Variants in NLK observed in about 807,000 individuals in gnomAD.
NLK encodes nemo like kinase, also known as serine/threonine-protein kinase NLK.
Under a neutral mutation model 59.0 loss-of-function variants are expected in NLK, and 11 were observed. That is an observed-to-expected ratio of 0.19 (90% CI 0.12 to 0.31). The LOEUF is 0.31. NLK is among the 10% of genes least tolerant of loss of function. The pLI is 1.00. For missense variants in NLK, 410 were observed against 661.1 expected (o/e 0.62, Z 4.16); for synonymous variants, 235 against 235.9 (o/e 1.00, Z 0.03).
intron 3 of NLK, among the ~76,000 whole-genome samples, chr17:28,147,134 C>G (rs916178407): frequency 1.3e-5 from 2 of 152,034 alleles, no homozygotes; most frequent in African/African-American, 4.8e-5. Flanking sequence ...TCTTTTTTCT[C>G]AGTCTTGTCA....
rs116564284 is a variant in NLK at position 28,053,993 on chromosome 17, C to T, written c.458+10662C>T. Among the ~76,000 whole-genome samples the T allele has an allele frequency of 3.5e-3, 536 of 152,260 alleles. 2 individuals carry two copies. The highest frequency in any genetic ancestry group is 0.012 in the African/African-American group (509 of 41,530). On this transcript the variant is annotated intron_variant, in intron 1 of 10. Coordinates refer to ENST00000407008, the MANE Select transcript of NLK (RefSeq NM_016231.5). ...GCAGCCTGGTGCAGAGGGTTTTTCCCCACTTTCTTCTCCACTTCCCTCTCT... is the reference window on the plus strand; with the variant it reads ...GCAGCCTGGTGCAGAGGGTTTTTCCTCACTTTCTTCTCCACTTCCCTCTCT...
chr17:28,160,242 C>T (rs369079887), intron 3 of NLK, among the ~76,000 whole-genome samples: 1 of 152,056 alleles, frequency 6.6e-6, no homozygotes, highest in Non-Finnish European at 1.5e-5. Context: ...AAAAATGTCT[C>T]GAGGAGGAGG....
the NLK span, among the ~76,000 whole-genome samples, chr17:28,202,090 A>G: frequency 6.6e-6 from 1 of 152,210 alleles, no homozygotes; most frequent in African/African-American, 2.4e-5. Flanking sequence ...AAATTCACTT[A>G]CAATTTGAAA....
the NLK span, among the ~76,000 whole-genome samples, chr17:28,205,236 A>G: frequency 6.6e-6 from 1 of 152,362 alleles, no homozygotes; most frequent in South Asian, 2.1e-4. Context: ...CGTACCTGGA[A>G]TAGTACTTGG....
chr17:28,061,303 A>C (rs991124538), intron 1 of NLK, among the ~76,000 whole-genome samples: 2 of 152,240 alleles, frequency 1.3e-5, no homozygotes, highest in African/African-American at 4.8e-5. Flanking sequence ...CAAATTGAAA[A>C]AAAGACATTA....
At chr17:28,187,364 C>T (rs971376028) in intron 8 of NLK, among the ~76,000 whole-genome samples, 36 of 152,166 alleles carry the variant, frequency 2.4e-4, no homozygotes, top group East Asian at 3.9e-4. Flanking sequence ...AGTGCAGCAG[C>T]GCAATCTCAG....
At chr17:28,184,584 T>C (rs566745450) in intron 7 of NLK, among the ~76,000 whole-genome samples, 19 of 152,350 alleles carry the variant, frequency 1.2e-4, no homozygotes, top group African/African-American at 4.6e-4. Flanking sequence ...GAGTGCCATA[T>C]TTGCAATTCG....
chr17:28,161,162 A>T lies in NLK; in HGVS notation c.647A>T (p.Tyr216Phe), dbSNP rs1372146196. Reference protein sequence around the residue: ...PPHIDYFEEIYVVTELMQSDL... With the variant: ...PPHIDYFEEIFVVTELMQSDL... ...TCTCCTTAACTTAAAACTTCAAGAT[A>T]TGTTGTCACAGAATTGATGCAGAGT... Residue 216 changes from tyrosine (Y) to phenylalanine (F), a missense_variant and splice_region_variant, in exon 4 of 11, where the codon TAT becomes TTT. Tyr to Phe is a conservative substitution (Grantham distance 22). Transcript: ENST00000407008. 1 of 1,576,496 alleles carries T rather than the reference A, an allele frequency of 6.3e-7. No homozygotes were observed. Among genetic ancestry groups the T allele is most frequent in the Non-Finnish European group, 8.7e-7 (1 of 1,145,882 alleles).
At position 28,194,621 on chromosome 17, in the gene NLK, T is replaced by C; in HGVS notation, c.1569T>C (p.Pro523=). ...AGCCATCTGAGATGCCCCCATCTCC[T>C]CTGGTGTGGGAGTGATGGTGGAAGA... ...VAQPSEMPPS[P]LVWE The change falls in exon 11 of 11, where the codon CCT becomes CCC. Residue 523 remains proline (P), a synonymous_variant. Transcript: ENST00000407008. 1 of 1,598,314 alleles carries C rather than the reference T, an allele frequency of 6.3e-7. No homozygotes were observed. The highest frequency in any genetic ancestry group is 8.6e-7 in the Non-Finnish European group (1 of 1,167,748).
At chr17:28,182,417 T>A (rs926985379) in intron 7 of NLK, among the ~76,000 whole-genome samples, 1 of 152,192 alleles carries the variant, frequency 6.6e-6, no homozygotes, top group Non-Finnish European at 1.5e-5. Flanking sequence ...GTTCTGCTTC[T>A]CCTGTTTCTG....
chr17:28,109,272 A>G (rs889346330), intron 1 of NLK, among the ~76,000 whole-genome samples: 3 of 152,228 alleles, frequency 2.0e-5, no homozygotes, highest in Admixed American at 6.5e-5. Context: ...TGGAAAAACT[A>G]TATCAAAGGG....
Position 28,185,207 on chromosome 17 carries a change from C to T in NLK, c.1178C>T (p.Ser393Phe). 1 of 1,593,684 alleles carries T rather than the reference C, an allele frequency of 6.3e-7. No individual in the cohort carries two copies. Among genetic ancestry groups the T allele is most frequent in the Non-Finnish European group, 8.6e-7 (1 of 1,168,734 alleles). Residue 393 changes from serine to phenylalanine, a missense_variant, in exon 8 of 11, where the codon TCT becomes TTT. By Grantham distance (155) the Ser-to-Phe change is radical. Transcript: ENST00000407008. ...QPSLPVLYTL[S>F]SQATHEAVHL... ...TCTCTTCCTGTACTCTATACCCTGT[C>T]TAGCCAGGCTACACATGAAGCTGTT...
downstream of NLK, among the ~76,000 whole-genome samples, chr17:28,196,967 T>A (rs1458986990): frequency 6.6e-6 from 1 of 152,190 alleles, no homozygotes; most frequent in African/African-American, 2.4e-5. Flanking sequence ...AATGAATGGA[T>A]TTTTTTTCCT....
chr17:28,178,816 T>G (rs1277522934), intron 7 of NLK, among the ~76,000 whole-genome samples: 2 of 152,238 alleles, frequency 1.3e-5, no homozygotes, highest in African/African-American at 4.8e-5. Flanking sequence ...GCTCACTTAA[T>G]GTTACTGACT....
intron 8 of NLK, 90 bp from the exon 9 acceptor site, chr17:28,190,931 G>A (rs1269334965): frequency 5.2e-5 from 46 of 876,526 alleles, no homozygotes; most frequent in Non-Finnish European, 7.7e-5. Flanking sequence ...TATATGCTAT[G>A]TCAAGCAGTT....
At chr17:28,078,036 T>TA (rs543734520) in intron 1 of NLK, among the ~76,000 whole-genome samples, 33 of 148,290 alleles carry the variant, frequency 2.2e-4, no homozygotes, top group African/African-American at 2.7e-4. Flanking sequence ...AAAGAATTCA[T>TA]AAAAAAAAAA....
intron 3 of NLK, 98 bp downstream of exon 3, chr17:28,132,773 C>A: frequency 2.0e-6 from 2 of 1,017,410 alleles, no homozygotes; most frequent in South Asian, 2.9e-5. Flanking sequence ...TATTTTAAAT[C>A]TCATCCTTGC....
intron 1 of NLK, among the ~76,000 whole-genome samples, chr17:28,075,875 G>C (rs527358631): frequency 6.6e-6 from 1 of 151,786 alleles, no homozygotes; most frequent in East Asian, 1.9e-4. Flanking sequence ...GCTACCTCCC[G>C]TCTGTTTTGG....
intron 1 of NLK, among the ~76,000 whole-genome samples, chr17:28,100,097 T>C (rs527481436): frequency 6.6e-6 from 1 of 152,334 alleles, no homozygotes; most frequent in African/African-American, 2.4e-5. Flanking sequence ...AGCTCTTGGG[T>C]AAATACCTCT....
Sources: allele counts gnomAD v4.1 joint callset (sites outside exome capture counted in the v4.1 genomes callset), GRCh38; gene constraint gnomAD v4.1.1; transcripts MANE v1.5; gene names NCBI Gene and HGNC (gene_info 2026-07-23, HGNC 2026-07-21).